Variants in CSNK1A1 observed in about 807,000 individuals in gnomAD.
CSNK1A1 encodes the protein casein kinase 1 alpha 1.
In CSNK1A1, 7 loss-of-function variants were observed where a neutral mutation model predicts 46.1. The ratio of observed to expected loss-of-function variants is 0.15; its 90% confidence interval spans 0.09 to 0.29. The LOEUF is 0.29. Among genes scored for constraint, CSNK1A1 ranks in the 10% least tolerant of loss-of-function variants. CSNK1A1 has a pLI of 1.00. For synonymous variants in CSNK1A1, 137 were observed against 141.5 expected (o/e 0.97, Z 0.23); for missense variants, 96 against 417.1 (o/e 0.23, Z 6.71).
chr5:149,548,370 C>T (rs1323133280), intron 2 of CSNK1A1, among the ~76,000 whole-genome samples: 4 of 151,178 alleles, frequency 2.6e-5, no homozygotes, highest in Admixed American at 2.6e-4. Context: ...AGGTGGAGAC[C>T]AGCCTGGCCA....
rs72823564 is a variant in CSNK1A1 at position 149,526,705 on chromosome 5, T to C, written c.231-1534A>G. Among the ~76,000 whole-genome samples the C allele has an allele frequency of 9.7e-3, 1,482 of 152,236 alleles. 14 individuals carry two copies. The highest frequency in any genetic ancestry group is 0.02 in the Admixed American group (300 of 15,278). ...TAAGAAAAGAGTCTATTCTAACTAG[T>C]GGTCCTGGGCACCCATTAACCCTTG... On this transcript the variant is annotated intron_variant, in intron 2 of 9. Transcript: ENST00000377843.
At position 149,550,641 on chromosome 5, in the gene CSNK1A1, T is replaced by G. The variant is rs1460175460; in HGVS notation, c.123+201A>C. ...CGTGTTTAACAAGGTGGGAAACTAG[T>G]TCCCCCAACCTTTCTATCGGGTTCT... On this transcript the variant is annotated intron_variant, in intron 1 of 9. Coordinates refer to ENST00000377843, the MANE Select transcript of CSNK1A1 (RefSeq NM_001892.6). The surrounding 1 kb of genome is among the most constrained non-coding windows in gnomAD (Gnocchi z 4.3). Among the ~76,000 whole-genome samples, 1 of 151,126 alleles carries G rather than the reference T, an allele frequency of 6.6e-6. No individual in the cohort carries two copies. Among genetic ancestry groups the G allele is most frequent in the Non-Finnish European group, 1.5e-5 (1 of 67,904 alleles).
chr5:149,548,486 G>A (rs1292777456), intron 2 of CSNK1A1, among the ~76,000 whole-genome samples: 1 of 152,140 alleles, frequency 6.6e-6, no homozygotes, highest in Non-Finnish European at 1.5e-5. Flanking sequence ...AGGATCACTT[G>A]AACCTGGGAG....
intron 2 of CSNK1A1, among the ~76,000 whole-genome samples, chr5:149,528,639 C>G (rs537076907): frequency 6.6e-6 from 1 of 152,136 alleles, no homozygotes; most frequent in Non-Finnish European, 1.5e-5. Context: ...ACCTTAAAAC[C>G]CAGATGCCAA....
chr5:149,519,535 A>C lies in CSNK1A1; in HGVS notation c.456+755T>G, dbSNP rs546107442. Among the ~76,000 whole-genome samples the C allele has an allele frequency of 1.8e-4, 27 of 152,292 alleles. No individual in the cohort carries two copies. In the South Asian group the frequency reaches 3.9e-3, roughly 22 times the overall value. On this transcript the variant is annotated intron_variant, in intron 4 of 9. Transcript: ENST00000377843. ...CACTCAGTAAGACTAATCATTACAG[A>C]AAAAAAGTCAACACAATTAGTTTCT...
intron 9 of CSNK1A1, chr5:149,505,177 G>C: frequency 9.1e-7 from 1 of 1,097,108 alleles, no homozygotes; most frequent in Non-Finnish European, 1.1e-6. Flanking sequence ...AGATGCAGTT[G>C]TTAAAAAAAT....
intron 9 of CSNK1A1, chr5:149,501,362 T>C: frequency 3.0e-6 from 3 of 985,468 alleles, no homozygotes; most frequent in Non-Finnish European, 3.6e-6. Flanking sequence ...GTGTTCAGAC[T>C]GTCCAGGTAT....
At position 149,517,797 on chromosome 5, in the gene CSNK1A1, GT is replaced by G; in HGVS notation, c.456+2492del. 6.3e-7 allele frequency: 1 copy of G among 1,597,712 alleles called. No homozygotes were observed. Among genetic ancestry groups the G allele is most frequent in the Non-Finnish European group, 8.6e-7 (1 of 1,168,974 alleles). ...GGAATAGGAGACAGTTTCAGACCTG[GT>G]TTAATCCTGAGAAAGATGGGTCCTG... is the stretch of plus-strand genomic sequence containing the variant. On this transcript the variant is annotated intron_variant, in intron 4 of 9. Coordinates refer to ENST00000377843, the MANE Select transcript of CSNK1A1 (RefSeq NM_001892.6). This position sits in a 1 kb window ranked among gnomAD's most constrained non-coding sequence, Gnocchi z 4.4.
At chr5:149,514,982 TAA>T (rs1761355966) in intron 4 of CSNK1A1, among the ~76,000 whole-genome samples, 1 of 152,236 alleles carries the variant, frequency 6.6e-6, no homozygotes, top group Non-Finnish European at 1.5e-5. Flanking sequence ...GCTTATACTT[TAA>T]GTTTCTCTTG....
chr5:149,507,855 GTATTC>G (rs2113075481), intron 7 of CSNK1A1, among the ~76,000 whole-genome samples: 1 of 152,194 alleles, frequency 6.6e-6, no homozygotes, highest in African/African-American at 2.4e-5. Flanking sequence ...ACATTTGGAT[GTATTC>G]TAATTTTTCT....
intron 7 of CSNK1A1, among the ~76,000 whole-genome samples, chr5:149,507,550 T>A (rs973260696): frequency 2.6e-5 from 4 of 151,946 alleles, no homozygotes; most frequent in African/African-American, 9.7e-5. Flanking sequence ...AACCTCCACC[T>A]CCCAGGCTTC....
intron 4 of CSNK1A1, among the ~76,000 whole-genome samples, chr5:149,513,594 G>A (rs1203145811): frequency 1.3e-5 from 2 of 152,118 alleles, no homozygotes; most frequent in African/African-American, 2.4e-5. Context: ...AAACAAACAT[G>A]AGGTTTCAAA....
At chr5:149,504,481 C>T in intron 9 of CSNK1A1, 4 of 985,422 alleles carry the variant, frequency 4.1e-6, no homozygotes, top group Non-Finnish European at 4.8e-6. Flanking sequence ...ATCTTACTTG[C>T]CCACTACTTC....
rs1760586560 is a variant in CSNK1A1 at position 149,493,851 on chromosome 5, A to G, written c.*3002T>C. 1 of 152,198 alleles carries G rather than the reference A, an allele frequency of 6.6e-6. No homozygotes were observed. The highest frequency in any genetic ancestry group is 2.4e-5 in the African/African-American group (1 of 41,442). 9.4% of individuals were successfully genotyped at this position (152,198 alleles called of 1,614,324 possible). On this transcript the variant is annotated 3_prime_UTR_variant, in exon 10 of 10. Coordinates refer to ENST00000377843, the MANE Select transcript of CSNK1A1 (RefSeq NM_001892.6). ...CTCACATCTTGATTTACATGGTTAT[A>G]ACTGCTTAAAAACTGGCAAAGAGAA...
intron 9 of CSNK1A1, chr5:149,503,487 T>C (rs1760934794): frequency 4.1e-6 from 4 of 985,352 alleles, no homozygotes; most frequent in Non-Finnish European, 4.8e-6. Flanking sequence ...TGACATGTGA[T>C]GTGTTTTATG....
chr5:149,496,979 C>T (rs555099862), intron 9 of CSNK1A1, 119 bp from the exon 10 acceptor site: 98 of 1,463,834 alleles, frequency 6.7e-5, no homozygotes, highest in South Asian at 4.6e-4. Flanking sequence ...CATGTTATTT[C>T]GTCTCTTGTG....
At chr5:149,505,109 AT>A in intron 9 of CSNK1A1, 1 of 1,009,070 alleles carries the variant, frequency 9.9e-7, no homozygotes, top group Non-Finnish European at 1.2e-6. Context: ...GGATTGATTG[AT>A]TATATTATAT....
intron 2 of CSNK1A1, among the ~76,000 whole-genome samples, chr5:149,541,012 G>A (rs1351358414): frequency 5.3e-5 from 8 of 151,932 alleles, no homozygotes; most frequent in Middle Eastern, 3.2e-3. Context: ...CCCAGGAGGC[G>A]GAGGTTGCAG....
intron 3 of CSNK1A1, among the ~76,000 whole-genome samples, chr5:149,522,519 T>C (rs182558562): frequency 4.8e-4 from 73 of 152,370 alleles, no homozygotes; most frequent in Non-Finnish European, 1.0e-4. Flanking sequence ...CTCTACCCAG[T>C]AGTATCTGTT....
Sources: gnomAD v4.1 joint callset for allele counts (sites outside exome capture counted in the v4.1 genomes callset) on GRCh38, gnomAD v4.1.1 for gene constraint, Gnocchi (gnomAD v3.1) non-coding constraint, MANE v1.5 for transcripts, NCBI Gene and HGNC (gene_info 2026-07-23, HGNC 2026-07-21) for gene names.